The following MLLT6 variants were observed in gnomAD, a reference collection of about 807,000 sequenced individuals.
MLLT6 encodes the protein protein AF-17.
MLLT6 carries 22 observed loss-of-function variants against 103.0 expected under a neutral mutation model. That is an observed-to-expected ratio of 0.21 (90% CI 0.15 to 0.31). The LOEUF (loss-of-function observed/expected upper bound fraction) is 0.31. Among genes scored for constraint, MLLT6 ranks in the 10% least tolerant of loss-of-function variants. MLLT6 has a pLI of 1.00. For synonymous variants in MLLT6, 606 were observed against 623.5 expected (o/e 0.97, Z 0.42); for missense variants, 1,199 against 1,441.7 (o/e 0.83, Z 2.73).
In MLLT6 at chr17:38,728,772, C is replaced by CTG. The variant is rs141717217; in HGVS notation, c.*3185_*3186dup. On this transcript the variant is annotated 3_prime_UTR_variant, in exon 20 of 20. Coordinates refer to ENST00000621332, the MANE Select transcript of MLLT6 (RefSeq NM_005937.4). ...CACATGGCTGGCTGGCTGGCTGTCC[C>CTG]TGTGTGTGTGTGACACACGGTGTGA... The CTG allele has an allele frequency of 1.3e-5, 3 of 234,552 alleles. No individual in the cohort carries two copies. Among genetic ancestry groups the CTG allele is most frequent in the East Asian group, 6.0e-5 (1 of 16,630 alleles). 14.5% of individuals were successfully genotyped at this position (234,552 alleles called of 1,614,324 possible).
At position 38,716,633 on chromosome 17, in the gene MLLT6, T is replaced by C. The variant is rs1383181205; in HGVS notation, c.1303T>C (p.Ser435Pro). ...CTATAAGTCTCCCCACGTCACGGGG[T>C]CTGGGGCCTCGGCAGGCACCCACAA... Reference protein sequence around the residue: ...GDYKSPHVTGSGASAGTHKRM... With the variant: ...GDYKSPHVTGPGASAGTHKRM... Residue 435 changes from serine (S) to proline (P), a missense_variant, in exon 10 of 20, where the codon TCT becomes CCT. Physicochemically the swap from Ser to Pro is moderately conservative, Grantham distance 74. Transcript: ENST00000621332. This position sits in a 1 kb window ranked among gnomAD's most constrained non-coding sequence, Gnocchi z 5.6. 6.2e-7 allele frequency: 1 copy of C among 1,613,374 alleles called. No individual in the cohort carries two copies. The highest frequency in any genetic ancestry group is 1.3e-5 in the African/African-American group (1 of 74,760).
Position 38,717,534 on chromosome 17 carries a change from C to T in MLLT6, c.1754C>T (p.Thr585Ile). ...LSSSLLGPPG[T>I]SALPRLSRSP... ...TCCAGCCTCCTGGGGCCCCCAGGGA[C>T]CTCGGCCCTGCCCCGCCTCAGCCGC... The change falls in exon 11 of 20, where the codon ACC becomes ATC. Residue 585 changes from threonine to isoleucine, a missense_variant. Thr to Ile is a moderately conservative substitution (Grantham distance 89). Coordinates refer to ENST00000621332, the MANE Select transcript of MLLT6 (RefSeq NM_005937.4). The T allele has an allele frequency of 6.2e-7, 1 of 1,613,384 alleles. No homozygotes were observed. Among genetic ancestry groups the T allele is most frequent in the Non-Finnish European group, 8.5e-7 (1 of 1,179,842 alleles).
At position 38,717,503 on chromosome 17, in the gene MLLT6, C is replaced by T. The variant is rs981395300; in HGVS notation, c.1723C>T (p.Leu575Phe). The T allele has an allele frequency of 1.9e-6, 3 of 1,613,354 alleles. No homozygotes were observed. Among genetic ancestry groups the T allele is most frequent in the Non-Finnish European group, 2.5e-6 (3 of 1,179,930 alleles). The stretch of plus-strand genomic sequence containing the variant: ...GCTGCGGGCTGTCTGCAGCACCCCT[C>T]TCTCCTCCAGCCTCCTGGGGCCCCC... The part of the protein sequence containing the change: ...GMLRAVCSTP[L>F]SSSLLGPPGT... Residue 575 changes from leucine to phenylalanine, a missense_variant, in exon 11 of 20, where the codon CTC becomes TTC. This residue lies in a region of MLLT6 where 1,034 missense variants were observed against 1,091.5 expected (regional missense o/e 0.95). Coordinates refer to ENST00000621332, the MANE Select transcript of MLLT6 (RefSeq NM_005937.4).
rs774344071 is a variant in MLLT6, at chr17:38,712,786, C to T, written c.816C>T (p.Asp272=). Residue 272 remains aspartate (D), a synonymous_variant, in exon 8 of 20, where the codon GAC becomes GAT. Coordinates refer to ENST00000621332, the MANE Select transcript of MLLT6 (RefSeq NM_005937.4). ...CCCCGCCCGTGGTCCCCACTGCTGACAAGGTACTGCTGCCCACCTTCAGGA... is the reference window on the plus strand; with the variant it reads ...CCCCGCCCGTGGTCCCCACTGCTGATAAGGTACTGCTGCCCACCTTCAGGA... The part of the protein sequence containing the change: ...ILTPPVVPTA[D]KVSSSASSSS... The T allele has an allele frequency of 1.2e-6, 2 of 1,610,674 alleles. No homozygotes were observed. The highest frequency in any genetic ancestry group is 1.7e-6 in the Non-Finnish European group (2 of 1,177,060).
At chr17:38,722,558 G>A (rs1411803420) in intron 17 of MLLT6, 120 bp from the exon 18 acceptor site, 9 of 680,260 alleles carry the variant, frequency 1.3e-5, no homozygotes, top group Non-Finnish European at 2.4e-5. Flanking sequence ...GCACATCCCT[G>A]CCTTGCTTCC....
chr17:38,710,133 C>G (rs1441040958), intron 6 of MLLT6, among the ~76,000 whole-genome samples: 1 of 152,116 alleles, frequency 6.6e-6, no homozygotes, highest in Non-Finnish European at 1.5e-5. Context: ...GAGTCCCAGG[C>G]AGAGGGACTA....
intron 12 of MLLT6, 92 bp from the exon 13 acceptor site, chr17:38,719,425 G>C (rs1597998316): frequency 9.1e-7 from 1 of 1,098,636 alleles, no homozygotes; most frequent in East Asian, 2.6e-5. Flanking sequence ...AGGGATCTGC[G>C]GTGAGGTCCC....
Position 38,715,678 on chromosome 17 carries a change from A to C in MLLT6, c.886A>C (p.Arg296=), listed in dbSNP as rs1905307068. 1 of 1,613,996 alleles carries C rather than the reference A, an allele frequency of 6.2e-7. No homozygotes were observed. Among genetic ancestry groups the C allele is most frequent in the South Asian group, 1.1e-5 (1 of 91,072 alleles). ...CACGCAGGAGACCTCTGAGAGCAGC[A>C]GGGAGTCAAAGGGGAAAAAGTCTTC... ...ASTQETSESS[R]ESKGKKSSSH... The change falls in exon 9 of 20, where the codon AGG becomes CGG. Residue 296 remains arginine (R), a synonymous_variant. Transcript: ENST00000621332.
Position 38,706,827 on chromosome 17 carries a change from G to C in MLLT6, c.110-123G>C, listed in dbSNP as rs1004347165. ...CTGTAGAGTGAGTGACCCGTAGACT[G>C]GGGAGCAGCCCCCACTGCTGGAACT... On this transcript the variant is annotated intron_variant, in intron 1 of 19. Coordinates refer to ENST00000621332, the MANE Select transcript of MLLT6 (RefSeq NM_005937.4). 6 of 716,156 alleles carry C rather than the reference G, an allele frequency of 8.4e-6. No homozygotes were observed. In the African/African-American group the frequency reaches 1.1e-4, roughly 13 times the overall value. The allele number at this position is 716,156 out of a possible 1,614,324, so 44.4% of individuals were successfully genotyped here. A position where few individuals can be genotyped will look rare whatever the true frequency, so the allele number is the denominator to read the frequency against.
chr17:38,723,066 G>A (rs540122546), intron 18 of MLLT6, among the ~76,000 whole-genome samples: 19 of 152,192 alleles, frequency 1.2e-4, no homozygotes, highest in Non-Finnish European at 2.6e-4. Flanking sequence ...TTCAGTCCCA[G>A]CCCCAAAGGC....
intron 4 of MLLT6, among the ~76,000 whole-genome samples, chr17:38,708,869 A>G (rs1329871165): frequency 6.6e-6 from 1 of 152,202 alleles, no homozygotes; most frequent in Admixed American, 6.5e-5. Context: ...CTGCACTCCA[A>G]CCTGGGCGAC....
chr17:38,705,607 C>T lies in MLLT6; in HGVS notation c.-26C>T. 7.0e-7 allele frequency: 1 copy of T among 1,420,180 alleles called. No individual in the cohort carries two copies. Among genetic ancestry groups the T allele is most frequent in the Non-Finnish European group, 9.6e-7 (1 of 1,041,032 alleles). The allele number at this position is 1,420,180 out of a possible 1,614,324, so 88.0% of individuals were successfully genotyped here. On this transcript the variant is annotated 5_prime_UTR_variant, in exon 1 of 20. An upstream open reading frame in the 5' UTR gains an earlier in-frame stop. Coordinates refer to ENST00000621332, the MANE Select transcript of MLLT6 (RefSeq NM_005937.4). ...ACCCCCGCCGGCCGGCCCCCCGCCC[C>T]AGCCCCGGAGGGAGCTCATGGGAGT...
Position 38,721,985 on chromosome 17 carries a change from C to T in MLLT6, c.2550C>T (p.Ala850=). Residue 850 remains alanine, a synonymous_variant, in exon 17 of 20, where the codon GCC becomes GCT. Coordinates refer to ENST00000621332, the MANE Select transcript of MLLT6 (RefSeq NM_005937.4). ...AGAGCCCTGCCACTCTGCCCCTGGCCCTGCCTGGGGCCCCTGCCCCACTCC... is the reference window on the plus strand; with the variant it reads ...AGAGCCCTGCCACTCTGCCCCTGGCTCTGCCTGGGGCCCCTGCCCCACTCC... ...LQQSPATLPL[A]LPGAPAPLPP... The T allele has an allele frequency of 6.7e-7, 1 of 1,494,494 alleles. No individual in the cohort carries two copies. Among genetic ancestry groups the T allele is most frequent in the Non-Finnish European group, 8.9e-7 (1 of 1,121,558 alleles). 92.6% of individuals were successfully genotyped at this position (1,494,494 alleles called of 1,614,324 possible).
chr17:38,722,333 C>T, intron 17 of MLLT6, 106 bp downstream of exon 17: 1 of 875,244 alleles, frequency 1.1e-6, no homozygotes, highest in Non-Finnish European at 1.6e-6. Context: ...GAAAAATGGC[C>T]TCTGGTCTCA....
chr17:38,713,415 C>T (rs77883693), intron 8 of MLLT6: 4,751 of 268,476 alleles, frequency 0.018, 208 homozygotes, highest in African/African-American at 0.097. Context: ...CCTCCCTGCT[C>T]CCTACAACCT....
intron 8 of MLLT6, 123 bp from the exon 9 acceptor site, chr17:38,715,489 A>G: frequency 7.0e-7 from 1 of 1,420,658 alleles, no homozygotes; most frequent in East Asian, 2.5e-5. Flanking sequence ...GAAGTCCTTC[A>G]TGAAACTAGC....
At chr17:38,707,673 G>A (rs1435196337) in intron 3 of MLLT6, 90 bp from the exon 4 acceptor site, 8 of 1,234,944 alleles carry the variant, frequency 6.5e-6, no homozygotes, top group Non-Finnish European at 9.5e-6. Flanking sequence ...GGAAGGCTGT[G>A]GAGGAGGGAA....
chr17:38,724,060 C>G lies in MLLT6; in HGVS notation c.2884-560C>G, dbSNP rs1357691968. ...GTCCGGCGAATTGAAAACTATTGAC[C>G]TAGTCAGTAGTTTTGGCGAAACCCC... On this transcript the variant is annotated intron_variant, in intron 18 of 19. Coordinates refer to ENST00000621332, the MANE Select transcript of MLLT6 (RefSeq NM_005937.4). This position sits in a 1 kb window ranked among gnomAD's most constrained non-coding sequence, Gnocchi z 5.4. Among the ~76,000 whole-genome samples, 2 of 151,956 alleles carry G rather than the reference C, an allele frequency of 1.3e-5. No individual in the cohort carries two copies. The highest frequency in any genetic ancestry group is 4.8e-5 in the African/African-American group (2 of 41,374).
Position 38,724,523 on chromosome 17 carries a change from A to G in MLLT6, c.2884-97A>G. The G allele has an allele frequency of 2.3e-6, 2 of 874,434 alleles. No homozygotes were observed. The highest frequency in any genetic ancestry group is 1.7e-5 in the African/African-American group (1 of 58,918). The allele number at this position is 874,434 out of a possible 1,614,324, so 54.2% of individuals were successfully genotyped here. A position where few individuals can be genotyped will look rare whatever the true frequency, so the allele number is the denominator to read the frequency against. ...CACAGGCCTCTTGCCTCCTGATTCCAGTGTGATGGGGTGGGGCCTGGCCAG... is the reference window on the plus strand; with the variant it reads ...CACAGGCCTCTTGCCTCCTGATTCCGGTGTGATGGGGTGGGGCCTGGCCAG... On this transcript the variant is annotated intron_variant, in intron 18 of 19. Transcript: ENST00000621332. This position sits in a 1 kb window ranked among gnomAD's most constrained non-coding sequence, Gnocchi z 5.4.
Sources: allele counts gnomAD v4.1 joint callset (sites outside exome capture counted in the v4.1 genomes callset), GRCh38; gene constraint gnomAD v4.1.1; regional missense constraint gnomAD v4.1.1; non-coding constraint Gnocchi (gnomAD v3.1); transcripts MANE v1.5; gene names NCBI Gene and HGNC (gene_info 2026-07-23, HGNC 2026-07-21).